HS6ST3: variants seen among roughly 807,000 people sequenced by gnomAD.
HS6ST3 encodes the protein heparan sulfate 6-O-sulfotransferase 3.
Under a neutral mutation model 36.7 loss-of-function variants are expected in HS6ST3, and 12 were observed. The ratio of observed to expected loss-of-function variants is 0.33; its 90% confidence interval spans 0.21 to 0.53. The LOEUF is 0.53. Among genes scored for constraint, HS6ST3 ranks in the 20% least tolerant of loss-of-function variants. The probability of loss-of-function intolerance (pLI) is 0.95; values close to 1 mark genes in which losing one functional copy is unlikely to be tolerated. For synonymous variants in HS6ST3, 240 were observed against 257.5 expected, an observed-to-expected ratio of 0.93 and a Z score of 0.65; for missense variants, 584 against 640.9, an observed-to-expected ratio of 0.91 and a Z score of 0.96.
At chr13:96,624,088 A>G (rs1162237402) in intron 1 of HS6ST3, among the ~76,000 whole-genome samples, 3 of 152,186 alleles carry the variant, frequency 2.0e-5, no homozygotes, top group Non-Finnish European at 4.4e-5. Flanking sequence ...TTTTATTGTG[A>G]AACATACAAA....
At chr13:96,622,417 T>C (rs2056498302) in intron 1 of HS6ST3, among the ~76,000 whole-genome samples, 1 of 152,196 alleles carries the variant, frequency 6.6e-6, no homozygotes, top group South Asian at 2.1e-4. Context: ...TGGCCAGGTG[T>C]ATTTTTTTAC....
intron 1 of HS6ST3, among the ~76,000 whole-genome samples, chr13:96,389,265 G>T (rs1180704307): frequency 6.6e-6 from 1 of 151,984 alleles, no homozygotes; most frequent in Non-Finnish European, 1.5e-5. Flanking sequence ...AGCTGTTCTT[G>T]TCATAAAAAA....
intron 1 of HS6ST3, among the ~76,000 whole-genome samples, chr13:96,191,595 C>T (rs553469850): frequency 2.0e-5 from 3 of 152,272 alleles, no homozygotes; most frequent in South Asian, 2.1e-4. Flanking sequence ...TACTGCCTCT[C>T]GTGTTGTTCC....
At chr13:96,558,334 A>G (rs1273321662) in intron 1 of HS6ST3, among the ~76,000 whole-genome samples, 3 of 152,182 alleles carry the variant, frequency 2.0e-5, no homozygotes, top group African/African-American at 7.2e-5. Context: ...TGTCTCTTAC[A>G]TGTACTTTAT....
intron 1 of HS6ST3, among the ~76,000 whole-genome samples, chr13:96,484,783 A>T (rs551478510): frequency 6.6e-6 from 1 of 152,178 alleles, no homozygotes; most frequent in Non-Finnish European, 1.5e-5. Context: ...TATCTTGGCT[A>T]TTGTAAATAA....
At chr13:96,688,083 G>C (rs1280510467) in intron 1 of HS6ST3, among the ~76,000 whole-genome samples, 1 of 172 alleles carries the variant, frequency 5.8e-3, no homozygotes, top group African/African-American at 7.8e-3. Context: ...GAATGGGGGG[G>C]GGGGAGGGAT....
chr13:96,428,407 C>T (rs2055598156), intron 1 of HS6ST3, among the ~76,000 whole-genome samples: 1 of 152,144 alleles, frequency 6.6e-6, no homozygotes, highest in South Asian at 2.1e-4. Context: ...CTTATTTTCT[C>T]AGAGTTCTGG....
rs574127415 is a variant in HS6ST3, at chr13:96,479,509, A to G, written c.708-352981A>G. ...AGAATGATGACTCTGGCTGTACAGG[A>G]AAATGGATTAGAATGGATTGAGAGG... On this transcript the variant is annotated intron_variant, in intron 1 of 1. Transcript: ENST00000376705. 5.3e-5 allele frequency among the ~76,000 whole-genome samples: 8 copies of G among 152,292 alleles called. No homozygotes were observed. In the East Asian group the frequency reaches 1.5e-3, roughly 29 times the overall value.
At chr13:96,722,498 A>T (rs746188118) in intron 1 of HS6ST3, among the ~76,000 whole-genome samples, 1 of 151,728 alleles carries the variant, frequency 6.6e-6, no homozygotes, top group Non-Finnish European at 1.5e-5. Context: ...CGGGGTCGTG[A>T]CTCTTATATT....
At chr13:96,225,292 C>T (rs994164742) in intron 1 of HS6ST3, among the ~76,000 whole-genome samples, 1 of 152,190 alleles carries the variant, frequency 6.6e-6, no homozygotes, top group South Asian at 2.1e-4. Context: ...AAGTCACCTA[C>T]ACTAGGAGGT....
At chr13:96,638,313 A>G (rs2056556992) in intron 1 of HS6ST3, among the ~76,000 whole-genome samples, 1 of 152,106 alleles carries the variant, frequency 6.6e-6, no homozygotes, top group South Asian at 2.1e-4. Context: ...AAATGAGGTA[A>G]TATTTAAATT....
At chr13:96,730,991 C>T (rs370375724) in intron 1 of HS6ST3, among the ~76,000 whole-genome samples, 12 of 152,256 alleles carry the variant, frequency 7.9e-5, no homozygotes, top group South Asian at 2.1e-4. Context: ...CTCAGCCTCC[C>T]GAAGTGCAAC....
chr13:96,738,415 C>G (rs551897276), intron 1 of HS6ST3, among the ~76,000 whole-genome samples: 41 of 152,232 alleles, frequency 2.7e-4, no homozygotes, highest in African/African-American at 9.6e-4. Context: ...ATGGAATATA[C>G]TGCCATCGAT....
intron 1 of HS6ST3, among the ~76,000 whole-genome samples, chr13:96,824,678 C>T (rs994554661): frequency 6.6e-6 from 1 of 152,216 alleles, no homozygotes; most frequent in Non-Finnish European, 1.5e-5. Flanking sequence ...CTCCTGCACA[C>T]AGCAGAGCAG....
At chr13:96,516,513 CA>C (rs1162733461) in intron 1 of HS6ST3, among the ~76,000 whole-genome samples, 2 of 152,072 alleles carry the variant, frequency 1.3e-5, no homozygotes, top group African/African-American at 4.8e-5. Context: ...TGGATTGTCA[CA>C]AAAAATAGCA....
intron 1 of HS6ST3, among the ~76,000 whole-genome samples, chr13:96,531,805 T>C (rs2056136656): frequency 6.6e-6 from 1 of 152,258 alleles, no homozygotes; most frequent in African/African-American, 2.4e-5. Context: ...GTGCCAGTCA[T>C]CACTGTTGGG....
At chr13:96,737,903 TTC>T (rs774033077) in intron 1 of HS6ST3, among the ~76,000 whole-genome samples, 1 of 152,198 alleles carries the variant, frequency 6.6e-6, no homozygotes, top group Non-Finnish European at 1.5e-5. Context: ...TCTGACATTC[TTC>T]TCTTTTCATC....
intron 1 of HS6ST3, among the ~76,000 whole-genome samples, chr13:96,424,142 GT>G (rs773725127): frequency 6.6e-6 from 1 of 152,050 alleles, no homozygotes; most frequent in Non-Finnish European, 1.5e-5. Context: ...TTAGAGATAA[GT>G]TTTTTTTGCC....
At chr13:96,109,274 G>A (rs905627710) in intron 1 of HS6ST3, among the ~76,000 whole-genome samples, 6 of 152,098 alleles carry the variant, frequency 3.9e-5, no homozygotes, top group Non-Finnish European at 7.4e-5. Context: ...TGTGAGCTGG[G>A]CCCTAGTGTC....
Sources: gnomAD v4.1 joint callset for allele counts (sites outside exome capture counted in the v4.1 genomes callset) on GRCh38, gnomAD v4.1.1 for gene constraint, MANE v1.5 for transcripts, NCBI Gene and HGNC (gene_info 2026-07-23, HGNC 2026-07-21) for gene names.